Variants in SYNE1 observed in about 807,000 individuals in gnomAD.
The protein encoded by SYNE1 is nesprin-1.
A neutral mutation model predicts 1,111.0 loss-of-function variants in SYNE1; 616 were observed. The observed-to-expected ratio is 0.55, with a 90% CI of 0.52 to 0.59. The LOEUF is 0.59. SYNE1 is among the 20% of genes least tolerant of loss of function. The pLI is 0.00. For synonymous variants in SYNE1, 3,855 were observed against 3,825.8 expected (o/e 1.01, Z -0.28); for missense variants, 10,006 against 10,417.0 (o/e 0.96, Z 1.72).
At chr6:152,534,171 AATG>A (rs1186087166) in intron 4 of SYNE1, among the ~76,000 whole-genome samples, 42 of 116,514 alleles carry the variant, frequency 3.6e-4, no homozygotes, top group African/African-American at 1.9e-3. Flanking sequence ...AAAATAAATA[AATG>A]AATGAATGAA....
chr6:152,243,615 G>C (rs1161007622), intron 106 of SYNE1, among the ~76,000 whole-genome samples: 1 of 152,146 alleles, frequency 6.6e-6, no homozygotes, highest in Non-Finnish European at 1.5e-5. Context: ...TACAAAGTGG[G>C]GGAGGTGGGC....
intron 98 of SYNE1, among the ~76,000 whole-genome samples, chr6:152,276,051 T>C (rs1281101838): frequency 6.8e-6 from 1 of 148,118 alleles, no homozygotes; most frequent in Non-Finnish European, 1.5e-5. Flanking sequence ...TTTTTTTTTT[T>C]TGAGACAGGA....
chr6:152,163,193 T>C, intron 131 of SYNE1, among the ~76,000 whole-genome samples: 1 of 152,158 alleles, frequency 6.6e-6, no homozygotes, highest in East Asian at 1.9e-4. Context: ...GAGTCCGATA[T>C]ACTTAGCAAG....
chr6:152,444,330 G>C, intron 30 of SYNE1, 81 bp downstream of exon 30: 1 of 1,496,764 alleles, frequency 6.7e-7, no homozygotes, highest in Non-Finnish European at 9.3e-7. Context: ...TCAAGCCAGT[G>C]GTTGTATTCT....
rs2096247646 is a variant in SYNE1, at chr6:152,331,528, T to C, written c.13157A>G (p.Asp4386Gly). Residue 4386 changes from aspartate (D) to glycine (G), a missense_variant, in exon 78 of 146, where the codon GAT becomes GGT. By Grantham distance (94) the Asp-to-Gly change is moderately conservative. Coordinates refer to ENST00000367255, the MANE Select transcript of SYNE1 (RefSeq NM_182961.4). ...CAGTTCACTGCAGATGGCCAGGTGA[T>C]CCATGAGAAGGTTCTGAGCCATATC... ...PPDMAQNLLM[D>G]HLAICSELEA... The C allele has an allele frequency of 1.9e-6, 3 of 1,614,124 alleles. No individual in the cohort carries two copies. Among genetic ancestry groups the C allele is most frequent in the East Asian group, 4.5e-5 (2 of 44,876 alleles).
chr6:152,228,500 AG>A (rs1334283198), intron 115 of SYNE1, among the ~76,000 whole-genome samples: 1 of 152,230 alleles, frequency 6.6e-6, no homozygotes, highest in Non-Finnish European at 1.5e-5. Flanking sequence ...GGAAAATGGC[AG>A]AAAAAGCTAT....
chr6:152,287,446 T>C (rs940368717), intron 95 of SYNE1, among the ~76,000 whole-genome samples: 8 of 152,236 alleles, frequency 5.3e-5, no homozygotes, highest in Admixed American at 6.5e-5. Flanking sequence ...TGGTAGGATA[T>C]ATCTTTCAAC....
chr6:152,372,821 A>G (rs1351346912), intron 59 of SYNE1, among the ~76,000 whole-genome samples: 3 of 152,146 alleles, frequency 2.0e-5, no homozygotes, highest in African/African-American at 7.2e-5. Context: ...GTGACAATAG[A>G]CCCTAACATG....
At chr6:152,534,804 T>C (rs2099226020) in intron 4 of SYNE1, among the ~76,000 whole-genome samples, 1 of 152,230 alleles carries the variant, frequency 6.6e-6, no homozygotes, top group Non-Finnish European at 1.5e-5. Flanking sequence ...CTAAAGAAGA[T>C]GAAAGCCACC....
chr6:152,269,330 A>G (rs2153679841), intron 98 of SYNE1, 44 bp from the exon 99 acceptor site: 1 of 1,613,302 alleles, frequency 6.2e-7, no homozygotes, highest in Middle Eastern at 1.7e-4. Flanking sequence ...ACACACCGGA[A>G]AACCTTAACC....
At chr6:152,284,243 G>A in intron 95 of SYNE1, 71 bp from the exon 96 acceptor site, 1 of 1,492,076 alleles carries the variant, frequency 6.7e-7, no homozygotes. Context: ...CACTAGCTGA[G>A]TCTCACATCC....
intron 55 of SYNE1, 86 bp from the exon 56 acceptor site, chr6:152,381,448 G>A: frequency 2.2e-6 from 3 of 1,387,260 alleles, no homozygotes; most frequent in Non-Finnish European, 3.0e-6. Context: ...GGGGGACCCT[G>A]TCCTGCCAGG....
intron 57 of SYNE1, 66 bp from the exon 58 acceptor site, chr6:152,376,624 A>T (rs1466087897): frequency 1.8e-5 from 28 of 1,593,036 alleles, no homozygotes; most frequent in Non-Finnish European, 2.2e-5. Context: ...ATCATGTTTG[A>T]TAGAATCACC....
chr6:152,254,387 A>T (rs2090326266), intron 104 of SYNE1, among the ~76,000 whole-genome samples: 1 of 150,414 alleles, frequency 6.6e-6, no homozygotes, highest in Admixed American at 6.7e-5. Context: ...AGTAGCTGGG[A>T]TTACAGGCCT....
intron 51 of SYNE1, among the ~76,000 whole-genome samples, 199 bp from the exon 52 acceptor site, chr6:152,391,767 A>G (rs2097644969): frequency 6.6e-6 from 1 of 152,066 alleles, no homozygotes; most frequent in South Asian, 2.1e-4. Flanking sequence ...GTCAGTACCT[A>G]TCAGGGGATA....
At chr6:152,388,016 AT>A (rs2097549673) in intron 53 of SYNE1, among the ~76,000 whole-genome samples, 1 of 152,154 alleles carries the variant, frequency 6.6e-6, no homozygotes, top group African/African-American at 2.4e-5. Context: ...TTTAAGAAAA[AT>A]CCCTCCATTA....
Position 152,122,156 on chromosome 6 carries a change from G to A in SYNE1, c.*280C>T, listed in dbSNP as rs1197572506. 2.4e-5 allele frequency: 11 copies of A among 466,186 alleles called. No homozygotes were observed. The highest frequency in any genetic ancestry group is 3.5e-5 in the Non-Finnish European group (9 of 254,396). The allele number at this position is 466,186 out of a possible 1,614,324, so 28.9% of individuals were successfully genotyped here. A position where few individuals can be genotyped will look rare whatever the true frequency, so the allele number is the denominator to read the frequency against. On this transcript the variant is annotated 3_prime_UTR_variant, in exon 146 of 146. Transcript: ENST00000367255. Reference sequence around the variant, plus strand: ...CCAAGGGCCCAGAATTCATGAGTCCGGGGAACTTTGGAGGTCCTTACTCAA... The same window carrying A: ...CCAAGGGCCCAGAATTCATGAGTCCAGGGAACTTTGGAGGTCCTTACTCAA...
Position 152,330,184 on chromosome 6 carries a change from C to T in SYNE1, c.14501G>A (p.Arg4834Gln), listed in dbSNP as rs141883764. ...AAGATCTTCAAGATGTATGGTTACTCGTTTCAGTACAATCCCTGAGTCCTG... is the reference window on the plus strand; with the variant it reads ...AAGATCTTCAAGATGTATGGTTACTTGTTTCAGTACAATCCCTGAGTCCTG... ...SLQDSGIVLK[R>Q]VTIHLEDLAP... The change falls in exon 78 of 146, where the codon CGA becomes CAA. Residue 4834 changes from arginine to glutamine, a missense_variant. This residue lies in a region of SYNE1 where 4,955 missense variants were observed against 5,017.2 expected (regional missense o/e 0.99). Transcript: ENST00000367255. The T allele has an allele frequency of 1.9e-4, 314 of 1,614,056 alleles. 1 individual carries two copies. The highest frequency in any genetic ancestry group is 8.4e-4 in the African/African-American group (63 of 74,916).
In SYNE1 at chr6:152,143,746, C is replaced by T; in HGVS notation, c.24996G>A (p.Glu8332=). The T allele has an allele frequency of 6.2e-7, 1 of 1,614,218 alleles. No individual in the cohort carries two copies. Residue 8332 remains glutamate (E), a synonymous_variant, in exon 138 of 146, where the codon GAG becomes GAA. Coordinates refer to ENST00000367255, the MANE Select transcript of SYNE1 (RefSeq NM_182961.4). Reference sequence around the variant, plus strand: ...CTTTGCCCAGTTGTCGGATCTGTGACTCTAGGGCACTGTGGTCCCCTGCGG... The same window carrying T: ...CTTTGCCCAGTTGTCGGATCTGTGATTCTAGGGCACTGTGGTCCCCTGCGG... ...VGLSGDHSAL[E]SQIRQLGKAL...
Sources: gnomAD v4.1 joint callset for allele counts (sites outside exome capture counted in the v4.1 genomes callset) on GRCh38, gnomAD v4.1.1 for gene constraint, gnomAD v4.1.1 regional missense constraint, MANE v1.5 for transcripts, NCBI Gene and HGNC (gene_info 2026-07-23, HGNC 2026-07-21) for gene names.